RHOBTB1: variants seen among roughly 807,000 people sequenced by gnomAD.
RHOBTB1 encodes the protein Rho related BTB domain containing 1, also known as rho-related BTB domain-containing protein 1.
In RHOBTB1, 40 loss-of-function variants were observed where a neutral mutation model predicts 71.6. The ratio of observed to expected loss-of-function variants is 0.56; its 90% CI spans 0.43 to 0.73. The LOEUF (loss-of-function observed/expected upper bound fraction) is 0.73. RHOBTB1 is among the 30% of genes least tolerant of loss of function. RHOBTB1 has a pLI of 0.00. For missense variants in RHOBTB1, 797 were observed against 894.0 expected, an observed-to-expected ratio of 0.89 and a Z score of 1.38; for synonymous variants, 319 against 334.9, an observed-to-expected ratio of 0.95 and a Z score of 0.52.
intron 2 of RHOBTB1, among the ~76,000 whole-genome samples, chr10:60,968,074 C>A (rs931649459): frequency 1.3e-5 from 2 of 152,120 alleles, no homozygotes; most frequent in Non-Finnish European, 2.9e-5. Context: ...CTTCTCTGAA[C>A]CCTGTTCTGC....
intron 4 of RHOBTB1, among the ~76,000 whole-genome samples, chr10:60,895,549 C>A (rs1408242316): frequency 1.3e-5 from 2 of 152,174 alleles, no homozygotes; most frequent in African/African-American, 4.8e-5. Flanking sequence ...GGATTACAGG[C>A]ATGTGCCACC....
Position 60,888,502 on chromosome 10 carries a change from G to C in RHOBTB1, c.1166C>G (p.Pro389Arg). The C allele has an allele frequency of 6.2e-7, 1 of 1,614,120 alleles. No individual in the cohort carries two copies. The highest frequency in any genetic ancestry group is 1.1e-5 in the South Asian group (1 of 91,068). The change falls in exon 6 of 11, where the codon CCC (proline) becomes CGC (arginine). Residue 389 changes from proline (P) to arginine (R), a missense_variant. Physicochemically the swap from Pro to Arg is moderately radical, Grantham distance 103 (BLOSUM62 -2). This residue lies in a region of RHOBTB1 where 658 missense variants were observed against 681.5 expected (regional missense o/e 0.97). Coordinates refer to ENST00000337910, the MANE Select transcript of RHOBTB1 (RefSeq NM_014836.5). The stretch of plus-strand genomic sequence containing the variant: ...CATGGGCCCCATCCGCTTTGAAATG[G>C]GGTTGACTTGCATTTCCCTGTGCAT... ...IGMHREMQVN[P>R]ISKRMGPMTV...
At chr10:60,988,269 T>G (rs770567449) in intron 1 of RHOBTB1, among the ~76,000 whole-genome samples, 38 of 152,316 alleles carry the variant, frequency 2.5e-4, no homozygotes, top group Non-Finnish European at 4.6e-4. Flanking sequence ...GTTATATTTA[T>G]TTATTTCAAA....
chr10:60,895,839 G>A (rs1050163382), intron 4 of RHOBTB1, among the ~76,000 whole-genome samples: 9 of 152,206 alleles, frequency 5.9e-5, no homozygotes, highest in South Asian at 2.1e-4. Context: ...CCATATGAAC[G>A]TAGCTCCCTA....
At chr10:60,988,343 T>C (rs2086740545) in intron 1 of RHOBTB1, among the ~76,000 whole-genome samples, 1 of 152,190 alleles carries the variant, frequency 6.6e-6, no homozygotes, top group Admixed American at 6.5e-5. Flanking sequence ...AAGGGATACA[T>C]GTGCAGGTTT....
In RHOBTB1 at chr10:60,892,820, G is replaced by A. The variant is rs1177183141; in HGVS notation, c.472C>T (p.Pro158Ser). The A allele has an allele frequency of 1.2e-6, 2 of 1,612,524 alleles. No individual in the cohort carries two copies. Among genetic ancestry groups the A allele is most frequent in the Admixed American group, 1.7e-5 (1 of 59,746 alleles). Residue 158 changes from proline (P) to serine (S), a missense_variant, in exon 5 of 11, where the codon CCG (proline) becomes TCG (serine). Pro to Ser is a moderately conservative substitution (Grantham distance 74). This residue lies in a region of RHOBTB1 where 658 missense variants were observed against 681.5 expected (regional missense o/e 0.97). Coordinates refer to ENST00000337910, the MANE Select transcript of RHOBTB1 (RefSeq NM_014836.5). Reference protein sequence around the residue: ...DLEAVNRARRPLARPIKRGDI... With the variant: ...DLEAVNRARRSLARPIKRGDI... ...AGTCCCTTGGCTTACCTTGCTAACGGGCGCCTGGCTCGATTAACAGCTTCC... is the reference window on the plus strand; with the variant it reads ...AGTCCCTTGGCTTACCTTGCTAACGAGCGCCTGGCTCGATTAACAGCTTCC...
intron 2 of RHOBTB1, among the ~76,000 whole-genome samples, chr10:60,920,324 A>G (rs1171194560): frequency 6.6e-6 from 1 of 152,154 alleles, no homozygotes; most frequent in Admixed American, 6.5e-5. Flanking sequence ...GAAAAAAACC[A>G]AAGGATGTCG....
At chr10:60,961,392 G>A (rs936064330) in intron 2 of RHOBTB1, among the ~76,000 whole-genome samples, 2 of 152,084 alleles carry the variant, frequency 1.3e-5, no homozygotes, top group Non-Finnish European at 2.9e-5. Flanking sequence ...TCTCCAAAAG[G>A]GGGGCAAATA....
At chr10:60,928,390 CACT>C (rs2084019522) in intron 2 of RHOBTB1, among the ~76,000 whole-genome samples, 1 of 151,928 alleles carries the variant, frequency 6.6e-6, no homozygotes, top group East Asian at 1.9e-4. Context: ...TTTACTGCAG[CACT>C]ACTTACAATA....
At chr10:60,882,774 C>T (rs540847474) in intron 7 of RHOBTB1, among the ~76,000 whole-genome samples, 1 of 152,276 alleles carries the variant, frequency 6.6e-6, no homozygotes, top group Non-Finnish European at 1.5e-5. Flanking sequence ...CTATAACCAC[C>T]TGTATTGTAC....
chr10:60,932,142 T>C (rs2084290159), intron 2 of RHOBTB1, among the ~76,000 whole-genome samples: 1 of 152,208 alleles, frequency 6.6e-6, no homozygotes, highest in Non-Finnish European at 1.5e-5. Flanking sequence ...CACAAACACA[T>C]AAATATTGAT....
intron 2 of RHOBTB1, among the ~76,000 whole-genome samples, chr10:60,952,535 G>T (rs2085449635): frequency 6.6e-6 from 1 of 152,174 alleles, no homozygotes; most frequent in African/African-American, 2.4e-5. Flanking sequence ...GGATCAAAAA[G>T]AGCAAGTCAC....
chr10:60,882,359 T>C (rs1461861341), intron 7 of RHOBTB1, among the ~76,000 whole-genome samples: 1 of 152,162 alleles, frequency 6.6e-6, no homozygotes, highest in African/African-American at 2.4e-5. Context: ...GAAAGTATCC[T>C]AGATCCAAAG....
At chr10:60,885,780 C>T (rs2081539993) in intron 7 of RHOBTB1, among the ~76,000 whole-genome samples, 1 of 152,156 alleles carries the variant, frequency 6.6e-6, no homozygotes, top group African/African-American at 2.4e-5. Flanking sequence ...TGCCTGGTGA[C>T]ATTTGCCAAG....
the RHOBTB1 span, among the ~76,000 whole-genome samples, chr10:60,861,583 G>A: frequency 6.6e-6 from 1 of 152,106 alleles, no homozygotes; most frequent in Non-Finnish European, 1.5e-5. Flanking sequence ...TTTAAGACAG[G>A]ACAGAGATCC....
chr10:60,922,558 G>T (rs1213977311), intron 2 of RHOBTB1, among the ~76,000 whole-genome samples: 2 of 152,192 alleles, frequency 1.3e-5, no homozygotes, highest in Non-Finnish European at 2.9e-5. Context: ...ACGGGGAAAA[G>T]AATTGGCCCA....
chr10:60,945,975 C>T (rs1441470847), upstream of RHOBTB1, among the ~76,000 whole-genome samples: 6 of 152,238 alleles, frequency 3.9e-5, no homozygotes, highest in African/African-American at 9.6e-5. Flanking sequence ...GTCAGGAGTT[C>T]GAAACCAGCC....
intron 1 of RHOBTB1, among the ~76,000 whole-genome samples, chr10:60,986,431 A>AT (rs1554860002): frequency 0.044 from 5,926 of 134,360 alleles, 235 homozygotes; most frequent in Admixed American, 0.081. Context: ...ATATATATAT[A>AT]AAATATATAT....
At chr10:60,979,529 C>G (rs2086424690) in intron 2 of RHOBTB1, among the ~76,000 whole-genome samples, 1 of 152,036 alleles carries the variant, frequency 6.6e-6, no homozygotes, top group African/African-American at 2.4e-5. Context: ...AATTATGGCT[C>G]TGAGGGAAAA....
Sources: allele counts gnomAD v4.1 joint callset (sites outside exome capture counted in the v4.1 genomes callset), GRCh38; gene constraint gnomAD v4.1.1; regional missense constraint gnomAD v4.1.1; transcripts MANE v1.5; gene names NCBI Gene and HGNC (gene_info 2026-07-23, HGNC 2026-07-21).